Variants in CDH13 observed in about 807,000 individuals in gnomAD.
CDH13 encodes cadherin 13.
Under a neutral mutation model 63.8 loss-of-function variants are expected in CDH13, and 24 were observed. That is an observed-to-expected ratio of 0.38 (90% confidence interval 0.27 to 0.53). The LOEUF (loss-of-function observed/expected upper bound fraction) is 0.53. Ranked by LOEUF, CDH13 falls within the 20% of genes least tolerant of loss-of-function variation. The pLI is 0.85. For synonymous variants in CDH13, 503 were observed against 355.3 expected (o/e 1.42, Z -4.67); for missense variants, 1,049 against 903.1 (o/e 1.16, Z -2.07).
At chr16:82,688,645 C>G (rs572692612) in intron 1 of CDH13, among the ~76,000 whole-genome samples, 4 of 152,264 alleles carry the variant, frequency 2.6e-5, no homozygotes, top group African/African-American at 9.6e-5. Context: ...TGGGATGGTT[C>G]TGATATTGTT....
At chr16:83,127,513 C>T (rs752547531) in intron 4 of CDH13, among the ~76,000 whole-genome samples, 11 of 151,882 alleles carry the variant, frequency 7.2e-5, no homozygotes, top group African/African-American at 1.2e-4. Context: ...GAGGATCACC[C>T]GAGGTCAGGA....
chr16:83,490,027 ACAC>A (rs1199887445), intron 7 of CDH13, among the ~76,000 whole-genome samples: 1 of 147,948 alleles, frequency 6.8e-6, no homozygotes, highest in Admixed American at 6.7e-5. Context: ...ACACACACAC[ACAC>A]ACACACACAC....
intron 3 of CDH13, among the ~76,000 whole-genome samples, chr16:83,035,717 A>G (rs1181607880): frequency 6.6e-6 from 1 of 152,114 alleles, no homozygotes; most frequent in Non-Finnish European, 1.5e-5. Context: ...GCCTGTCTTC[A>G]TGGTGTTTCT....
chr16:82,631,121 T>C (rs1251371827), intron 1 of CDH13, among the ~76,000 whole-genome samples: 1 of 151,828 alleles, frequency 6.6e-6, no homozygotes, highest in Non-Finnish European at 1.5e-5. Context: ...GCTAGCTTTC[T>C]TCTTGCTTTC....
intron 3 of CDH13, among the ~76,000 whole-genome samples, chr16:83,080,868 TGTG>T (rs141134120): frequency 8.9e-6 from 1 of 112,846 alleles, no homozygotes; most frequent in Non-Finnish European, 1.8e-5. Flanking sequence ...GTTTTGTTTT[TGTG>T]TTTTTTTTTT....
intron 6 of CDH13, among the ~76,000 whole-genome samples, chr16:83,433,466 C>T (rs1346557332): frequency 6.6e-6 from 1 of 152,198 alleles, no homozygotes; most frequent in East Asian, 1.9e-4. Flanking sequence ...AGCGGATAAA[C>T]CACAATGACC....
At chr16:83,722,194 G>A (rs1909787127) in intron 10 of CDH13, among the ~76,000 whole-genome samples, 1 of 152,006 alleles carries the variant, frequency 6.6e-6, no homozygotes, top group Admixed American at 6.6e-5. Flanking sequence ...GTGAACCGAT[G>A]CTGGCTACAC....
intron 4 of CDH13, among the ~76,000 whole-genome samples, chr16:83,155,609 C>T (rs966213181): frequency 6.6e-6 from 1 of 152,128 alleles, no homozygotes; most frequent in Non-Finnish European, 1.5e-5. Flanking sequence ...TTAGGCAACT[C>T]TAGTCCTTAC....
intron 2 of CDH13, among the ~76,000 whole-genome samples, chr16:83,026,861 G>A (rs547945184): frequency 6.6e-6 from 1 of 152,166 alleles, no homozygotes; most frequent in Admixed American, 6.5e-5. Flanking sequence ...GGCATCTTTG[G>A]GACAGATAAG....
chr16:83,158,666 CAG>C (rs1255476395), intron 4 of CDH13, among the ~76,000 whole-genome samples: 1 of 152,256 alleles, frequency 6.6e-6, no homozygotes, highest in East Asian at 1.9e-4. Context: ...CCACGTTAAA[CAG>C]ATCCACGGTA....
At chr16:83,394,918 C>A (rs997481728) in intron 6 of CDH13, among the ~76,000 whole-genome samples, 6 of 152,112 alleles carry the variant, frequency 3.9e-5, no homozygotes, top group African/African-American at 1.4e-4. Flanking sequence ...GAGGCCAAGA[C>A]AGGCGGATCA....
intron 5 of CDH13, among the ~76,000 whole-genome samples, chr16:83,322,709 G>A (rs772818617): frequency 5.9e-5 from 9 of 152,050 alleles, no homozygotes; most frequent in Admixed American, 1.3e-4. Flanking sequence ...ACATCTAGAC[G>A]TTCTTTTACT....
intron 13 of CDH13, among the ~76,000 whole-genome samples, chr16:83,794,259 G>A (rs1916459453): frequency 6.6e-6 from 1 of 152,298 alleles, no homozygotes. Context: ...AACATACCAT[G>A]TTTGGGCCAG....
intron 1 of CDH13, among the ~76,000 whole-genome samples, chr16:82,803,955 C>A (rs531986692): frequency 1.3e-5 from 2 of 152,086 alleles, no homozygotes; most frequent in South Asian, 2.1e-4. Context: ...AGAGGCTGGG[C>A]GCCATGGCTG....
chr16:83,141,302 C>T (rs1001053345), intron 4 of CDH13, among the ~76,000 whole-genome samples: 1 of 152,176 alleles, frequency 6.6e-6, no homozygotes, highest in African/African-American at 2.4e-5. Flanking sequence ...TGCCTACACC[C>T]AGTATTCTGA....
At chr16:82,851,767 C>A (rs753738921) in intron 1 of CDH13, among the ~76,000 whole-genome samples, 4 of 152,074 alleles carry the variant, frequency 2.6e-5, no homozygotes, top group Admixed American at 1.3e-4. Flanking sequence ...CCTTTGTAAA[C>A]CCTTCCAGGA....
intron 3 of CDH13, among the ~76,000 whole-genome samples, chr16:83,110,023 T>C (rs2034983527): frequency 6.6e-6 from 1 of 152,260 alleles, no homozygotes; most frequent in African/African-American, 2.4e-5. Flanking sequence ...TTTTATTTTT[T>C]AACTAGCGGT....
intron 3 of CDH13, among the ~76,000 whole-genome samples, chr16:83,085,659 TAAAC>T (rs372995447): frequency 6.6e-6 from 1 of 152,298 alleles, no homozygotes; most frequent in African/African-American, 2.4e-5. Context: ...ATTTGTGCCT[TAAAC>T]AAAATACAAG....
At chr16:83,414,717 G>A (rs559299566) in intron 6 of CDH13, among the ~76,000 whole-genome samples, 124 of 152,292 alleles carry the variant, frequency 8.1e-4, no homozygotes, top group African/African-American at 2.9e-3. Flanking sequence ...ATGTCTTCAA[G>A]ATTCATCCAT....
Sources: allele counts gnomAD v4.1 joint callset (sites outside exome capture counted in the v4.1 genomes callset), GRCh38; gene constraint gnomAD v4.1.1; transcripts MANE v1.5; gene names NCBI Gene and HGNC (gene_info 2026-07-23, HGNC 2026-07-21).